The following RIN3 variants were observed in gnomAD, a reference collection of about 807,000 sequenced individuals.
The protein encoded by RIN3 is Ras and Rab interactor 3.
Under a neutral mutation model 76.3 loss-of-function variants are expected in RIN3, and 54 were observed. The observed-to-expected ratio is 0.71, with a 90% CI of 0.57 to 0.89. The LOEUF is 0.89. Among genes scored for constraint, RIN3 ranks in the 40% least tolerant of loss-of-function variants. The probability of loss-of-function intolerance (pLI) is 0.00; values close to 1 mark genes in which losing one functional copy is unlikely to be tolerated. For synonymous variants in RIN3, 576 were observed against 564.0 expected, an observed-to-expected ratio of 1.02 and a Z score of -0.30; for missense variants, 1,256 against 1,322.1, an observed-to-expected ratio of 0.95 and a Z score of 0.78.
At chr14:92,660,466 C>A (rs1391515008) in intron 7 of RIN3, among the ~76,000 whole-genome samples, 1 of 152,106 alleles carries the variant, frequency 6.6e-6, no homozygotes, top group Non-Finnish European at 1.5e-5. Flanking sequence ...GCCTTGCTCA[C>A]GTGCTGAGTG....
intron 3 of RIN3, among the ~76,000 whole-genome samples, chr14:92,612,045 G>C: frequency 6.6e-6 from 1 of 152,248 alleles, no homozygotes; most frequent in Non-Finnish European, 1.5e-5. Context: ...GAACAGCACC[G>C]AGGGGATGGT....
intron 1 of RIN3, among the ~76,000 whole-genome samples, chr14:92,551,194 A>G (rs12893289): frequency 0.4 from 60,857 of 152,020 alleles, 12,345 homozygotes; most frequent in East Asian, 0.6. Flanking sequence ...CTTCATATAG[A>G]TGGATTCATG....
At chr14:92,647,948 G>C (rs1416627809) in intron 5 of RIN3, among the ~76,000 whole-genome samples, 1 of 152,182 alleles carries the variant, frequency 6.6e-6, no homozygotes, top group Non-Finnish European at 1.5e-5. Context: ...AACTCTCGCA[G>C]CAGAGCCAAG....
intron 2 of RIN3, among the ~76,000 whole-genome samples, chr14:92,563,267 A>G (rs1897825431): frequency 6.6e-6 from 1 of 152,212 alleles, no homozygotes; most frequent in African/African-American, 2.4e-5. Flanking sequence ...AGGCTGAGGC[A>G]GGAGAATCGC....
At chr14:92,608,273 T>C (rs937379635) in intron 3 of RIN3, among the ~76,000 whole-genome samples, 1 of 151,182 alleles carries the variant, frequency 6.6e-6, no homozygotes, top group Non-Finnish European at 1.5e-5. Context: ...TGGGGGGAAC[T>C]GGGTGAAGGG....
intron 4 of RIN3, among the ~76,000 whole-genome samples, chr14:92,628,705 A>G (rs913159678): frequency 6.6e-6 from 1 of 152,220 alleles, no homozygotes; most frequent in South Asian, 2.1e-4. Context: ...AGAATTTAGC[A>G]TAAGAAAAGA....
chr14:92,685,218 C>G lies in RIN3; in HGVS notation c.2631+68C>G. ...AGACACCATCCCTGCTGCCTGCTGG[C>G]TAAGGAGCCGTGACATCACCTGGCT... On this transcript the variant is annotated intron_variant, in intron 9 of 9. Transcript: ENST00000216487. The surrounding 1 kb of genome is among the most constrained non-coding windows in gnomAD (Gnocchi z 4.7). The G allele has an allele frequency of 6.8e-7, 1 of 1,476,972 alleles. No homozygotes were observed. Among genetic ancestry groups the G allele is most frequent in the Non-Finnish European group, 9.1e-7 (1 of 1,098,948 alleles). The allele number at this position is 1,476,972 out of a possible 1,614,324, so 91.5% of individuals were successfully genotyped here. A position where few individuals can be genotyped will look rare whatever the true frequency, so the allele number is the denominator to read the frequency against.
At chr14:92,638,594 C>G (rs111637189) in intron 4 of RIN3, among the ~76,000 whole-genome samples, 2 of 152,312 alleles carry the variant, frequency 1.3e-5, no homozygotes, top group African/African-American at 4.8e-5. Flanking sequence ...CCATTGGAAA[C>G]CCCACTGACA....
intron 1 of RIN3, among the ~76,000 whole-genome samples, chr14:92,534,826 T>G (rs965276887): frequency 6.6e-6 from 1 of 152,184 alleles, no homozygotes; most frequent in African/African-American, 2.4e-5. Flanking sequence ...TGGGTGTCTA[T>G]TCTCCCATTT....
At chr14:92,598,668 G>C (rs1885237251) in intron 3 of RIN3, among the ~76,000 whole-genome samples, 1 of 152,208 alleles carries the variant, frequency 6.6e-6, no homozygotes, top group South Asian at 2.1e-4. Context: ...TGTTAACACT[G>C]TGTTGTACTG....
intron 2 of RIN3, among the ~76,000 whole-genome samples, chr14:92,574,329 G>T (rs957531020): frequency 2.6e-5 from 4 of 152,220 alleles, no homozygotes; most frequent in Non-Finnish European, 4.4e-5. Context: ...AAAGAAGCTG[G>T]CAGCCCCACC....
intron 6 of RIN3, among the ~76,000 whole-genome samples, chr14:92,655,133 C>T (rs898052500): frequency 1.3e-5 from 2 of 151,968 alleles, no homozygotes. Flanking sequence ...CCACTGCACT[C>T]CAGCCTGGGC....
Position 92,568,071 on chromosome 14 carries a change from C to T in RIN3, c.250-9289C>T, listed in dbSNP as rs750842973. Among the ~76,000 whole-genome samples the T allele has an allele frequency of 3.3e-5, 5 of 152,012 alleles. No individual in the cohort carries two copies. The highest frequency in any genetic ancestry group is 3.3e-4 in the Admixed American group (5 of 15,268). On this transcript the variant is annotated intron_variant, in intron 2 of 9. Coordinates refer to ENST00000216487, the MANE Select transcript of RIN3 (RefSeq NM_024832.5). The surrounding 1 kb of genome is among the most constrained non-coding windows in gnomAD (Gnocchi z 4.2). ...CCCCAAGAAGTAAAAGTAACTTGCC[C>T]ACGGCTGGTGAGGGGCAGAGGTAGT...
At chr14:92,533,407 C>T (rs1013733638) in intron 1 of RIN3, among the ~76,000 whole-genome samples, 4 of 152,226 alleles carry the variant, frequency 2.6e-5, no homozygotes, top group Non-Finnish European at 5.9e-5. Flanking sequence ...AAGATACTTG[C>T]ACACGCATGT....
In RIN3 at chr14:92,652,372, C is replaced by T. The variant is rs149604000; in HGVS notation, c.1323C>T (p.Ser441=). The T allele has an allele frequency of 3.3e-4, 527 of 1,608,476 alleles. No homozygotes were observed. The highest frequency in any genetic ancestry group is 4.4e-4 in the African/African-American group (33 of 74,940). Residue 441 remains serine (S), a synonymous_variant, in exon 6 of 10, where the codon AGC becomes AGT. Transcript: ENST00000216487. The surrounding 1 kb of genome is among the most constrained non-coding windows in gnomAD (Gnocchi z 6.4). ...GCCAGGACACAGAGGTGAAAGCCAG[C>T]GATCCTCACAGCATGCCAGAGCTGC... ...EQGQDTEVKA[S]DPHSMPELPR...
In RIN3 at chr14:92,513,938, C is replaced by A. The variant is rs901353353; in HGVS notation, c.6C>A (p.Ile2=). The stretch of plus-strand genomic sequence containing the variant: ...GTCCCGGAGCTGCCGGCGGCATGAT[C>A]CGACACGCCGGGGCGCCCGCGCGCG... The part of the protein sequence containing the change: M[I]RHAGAPARGD... The change falls in exon 1 of 10, where the codon ATC becomes ATA. Residue 2 remains isoleucine (I), a synonymous_variant. Coordinates refer to ENST00000216487, the MANE Select transcript of RIN3 (RefSeq NM_024832.5). The A allele has an allele frequency of 1.6e-6, 2 of 1,247,184 alleles. No homozygotes were observed. The highest frequency in any genetic ancestry group is 2.0e-6 in the Non-Finnish European group (2 of 995,750). 77.3% of individuals were successfully genotyped at this position (1,247,184 alleles called of 1,614,324 possible).
In RIN3 at chr14:92,652,427, C is replaced by A. The variant is rs1887490032; in HGVS notation, c.1378C>A (p.Pro460Thr). 6.2e-7 allele frequency: 1 copy of A among 1,613,724 alleles called. No homozygotes were observed. The highest frequency in any genetic ancestry group is 1.3e-5 in the African/African-American group (1 of 74,870). The change falls in exon 6 of 10, where the codon CCC becomes ACC. Residue 460 changes from proline to threonine, a missense_variant. By Grantham distance (38) the Pro-to-Thr change is conservative. Coordinates refer to ENST00000216487, the MANE Select transcript of RIN3 (RefSeq NM_024832.5). This position sits in a 1 kb window ranked among gnomAD's most constrained non-coding sequence, Gnocchi z 6.4. ...PRTAKQPPVP[P>T]PRKKRISRQL... Reference sequence around the variant, plus strand: ...GACAGCCAAACAACCCCCAGTCCCGCCCCCCAGGAAAAAACGGATCTCTCG... The same window carrying A: ...GACAGCCAAACAACCCCCAGTCCCGACCCCCAGGAAAAAACGGATCTCTCG...
chr14:92,534,697 G>A (rs1277248860), intron 1 of RIN3, among the ~76,000 whole-genome samples: 1 of 152,006 alleles, frequency 6.6e-6, no homozygotes, highest in Middle Eastern at 3.2e-3. Flanking sequence ...AGTTTGTCCA[G>A]GGCAGCTGAG....
At position 92,681,891 on chromosome 14, in the gene RIN3, T is replaced by C. The variant is rs1888676060; in HGVS notation, c.2468-3096T>C. 1.3e-5 allele frequency among the ~76,000 whole-genome samples: 2 copies of C among 151,750 alleles called. No homozygotes were observed. On this transcript the variant is annotated intron_variant, in intron 8 of 9. Transcript: ENST00000216487. This position sits in a 1 kb window ranked among gnomAD's most constrained non-coding sequence, Gnocchi z 4.7. ...AAAAAATGTCTCTTATTTATTTTTATTTTTTTTTAATTTGAGATGAAGTCT... is the reference window on the plus strand; with the variant it reads ...AAAAAATGTCTCTTATTTATTTTTACTTTTTTTTAATTTGAGATGAAGTCT...
Sources: gnomAD v4.1 joint callset for allele counts (sites outside exome capture counted in the v4.1 genomes callset) on GRCh38, gnomAD v4.1.1 for gene constraint, Gnocchi (gnomAD v3.1) non-coding constraint, MANE v1.5 for transcripts, NCBI Gene and HGNC (gene_info 2026-07-23, HGNC 2026-07-21) for gene names.